The following SLC49A3 variants were observed in gnomAD, a reference collection of about 807,000 sequenced individuals.
The protein encoded by SLC49A3 is solute carrier family 49 member A3.
In SLC49A3, 50 loss-of-function variants were observed where a neutral mutation model predicts 43.8. The observed-to-expected ratio is 1.14, with a 90% CI of 0.91 to 1.45. The LOEUF (loss-of-function observed/expected upper bound fraction) is 1.45. Ranked by LOEUF, SLC49A3 falls within the 40% of genes most tolerant of loss-of-function variation. The pLI is 0.00. For missense variants in SLC49A3, 906 were observed against 774.1 expected, an observed-to-expected ratio of 1.17 and a Z score of -2.02; for synonymous variants, 413 against 352.0, an observed-to-expected ratio of 1.17 and a Z score of -1.94.
At chr4:683,435 G>C (rs1018843052) in intron 7 of SLC49A3, 68 bp from the exon 8 acceptor site, 1 of 1,550,154 alleles carries the variant, frequency 6.5e-7, no homozygotes, top group South Asian at 1.2e-5. Flanking sequence ...CTGGCTTCAC[G>C]GGACATGGGA....
At chr4:683,124 T>C in intron 8 of SLC49A3, 86 bp downstream of exon 8, 1 of 1,560,052 alleles carries the variant, frequency 6.4e-7, no homozygotes, top group Non-Finnish European at 8.8e-7. Context: ...AAAAGGGGCC[T>C]GGACCACATG....
Position 682,008 on chromosome 4 carries a change from C to A in SLC49A3, c.1630G>T (p.Asp544Tyr). The change falls in exon 10 of 10, where the codon GAC becomes TAC. Residue 544 changes from aspartate (D) to tyrosine (Y), a missense_variant. By Grantham distance (160) the Asp-to-Tyr change is radical. Coordinates refer to ENST00000322224, the MANE Select transcript of SLC49A3 (RefSeq NM_032219.4). Reference sequence around the variant, plus strand: ...AAGGAGGAGTGAGACCCAGCCGGGTCAATAAACCTGGACGCTTGGACCCTG... The same window carrying A: ...AAGGAGGAGTGAGACCCAGCCGGGTAAATAAACCTGGACGCTTGGACCCTG... ...AGRVQASRFI[D>Y]PAGSHSSFSS... The A allele has an allele frequency of 7.0e-7, 1 of 1,425,704 alleles. No homozygotes were observed. Among genetic ancestry groups the A allele is most frequent in the Admixed American group, 2.5e-5 (1 of 39,306 alleles). 88.3% of individuals were successfully genotyped at this position (1,425,704 alleles called of 1,614,324 possible).
At chr4:678,920 CG>C, downstream of SLC49A3, 1 of 1,611,742 alleles carries the variant, frequency 6.2e-7, no homozygotes, top group Non-Finnish European at 8.5e-7. Context: ...AGAGCCCAGC[CG>C]GGTTGGCAGC....
chr4:690,766 G>C (rs965002404), upstream of SLC49A3, among the ~76,000 whole-genome samples: 1 of 152,246 alleles, frequency 6.6e-6, no homozygotes, highest in South Asian at 2.1e-4. Flanking sequence ...TGTTGAGCGT[G>C]CATTGTTGAG....
rs773090635 is a variant in SLC49A3 at position 683,246 on chromosome 4, C to T, written c.1115G>A (p.Gly372Glu). ...GATCATGCCTGTGGCAGCCCCCTCC[C>T]CCACGGGGAAGGAACACTCGACCGC... ...ELAVECSFPVGEGAATGMIFV... is the reference protein window; with the variant it reads ...ELAVECSFPVEEGAATGMIFV... Residue 372 changes from glycine to glutamate, a missense_variant, in exon 8 of 10, where the codon GGG becomes GAG. Physicochemically the swap from Gly to Glu is moderately conservative, Grantham distance 98. Transcript: ENST00000322224. 2 of 1,612,820 alleles carry T rather than the reference C, an allele frequency of 1.2e-6. No individual in the cohort carries two copies. The highest frequency in any genetic ancestry group is 1.7e-6 in the Non-Finnish European group (2 of 1,179,920).
At chr4:678,941 C>T (rs1452332475), downstream of SLC49A3, 7 of 1,613,640 alleles carry the variant, frequency 4.3e-6, no homozygotes, top group Non-Finnish European at 5.9e-6. Context: ...CACAGCAGCC[C>T]TGACCTTGGT....
chr4:684,099 G>A (rs112783661), intron 6 of SLC49A3, among the ~76,000 whole-genome samples: 19 of 152,338 alleles, frequency 1.2e-4, no homozygotes, highest in African/African-American at 1.7e-4. Flanking sequence ...GGGCCAGCTC[G>A]GAGATATGCG....
Position 684,532 on chromosome 4 carries a change from C to G in SLC49A3, c.791G>C (p.Ser264Thr). 1 of 1,613,248 alleles carries G rather than the reference C, an allele frequency of 6.2e-7. No homozygotes were observed. Residue 264 changes from serine (S) to threonine (T), a missense_variant, in exon 6 of 10, where the codon AGC (serine) becomes ACC (threonine). Ser to Thr is a moderately conservative substitution (Grantham distance 58). Coordinates refer to ENST00000322224, the MANE Select transcript of SLC49A3 (RefSeq NM_032219.4). The part of the protein sequence containing the change: ...CLGGMIGISA[S>T]FSALLEQILC... ...GATCTGCTCCAGGAGGGCTGAGAAG[C>G]TGGCAGAGATCCCGATCATTCCCCC...
At chr4:681,668 C>T (rs1242773868), downstream of SLC49A3, among the ~76,000 whole-genome samples, 4 of 45,598 alleles carry the variant, frequency 8.8e-5, no homozygotes, top group African/African-American at 2.8e-4. Context: ...CCGCCCCGCC[C>T]CCTCCAGCGC....
At position 683,661 on chromosome 4, in the gene SLC49A3, G is replaced by T; in HGVS notation, c.941C>A (p.Ala314Asp). The change falls in exon 7 of 10, where the codon GCC becomes GAC. Residue 314 changes from alanine (A) to aspartate (D), a missense_variant. Physicochemically the swap from Ala to Asp is moderately radical, Grantham distance 126. Coordinates refer to ENST00000322224, the MANE Select transcript of SLC49A3 (RefSeq NM_032219.4). ...GAACAGGCACAGGCCAATCTTGGTG[G>T]CCTCAGTGAAGTGCTTGGTCCGGTC... ...YVDRTKHFTEATKIGLCLFSL... is the reference protein window; with the variant it reads ...YVDRTKHFTEDTKIGLCLFSL... The T allele has an allele frequency of 1.9e-6, 3 of 1,611,772 alleles. No individual in the cohort carries two copies. In the African/African-American group the frequency reaches 4.0e-5, roughly 21 times the overall value.
Position 684,740 on chromosome 4 carries a change from C to A in SLC49A3, c.702G>T (p.Lys234Asn), listed in dbSNP as rs779692926. ...TGACCAGCTTGAGCCCATCCAGGAA[C>A]TTCTCTGAGGTGGAGCTGGCAGCCC... Reference protein sequence around the residue: ...SAGAASSTSEKFLDGLKLLMW... With the variant: ...SAGAASSTSENFLDGLKLLMW... Residue 234 changes from lysine (K) to asparagine (N), a missense_variant, in exon 5 of 10, where the codon AAG becomes AAT. By Grantham distance (94) the Lys-to-Asn change is moderately conservative. Coordinates refer to ENST00000322224, the MANE Select transcript of SLC49A3 (RefSeq NM_032219.4). 3 of 1,611,538 alleles carry A rather than the reference C, an allele frequency of 1.9e-6. No homozygotes were observed. Among genetic ancestry groups the A allele is most frequent in the African/African-American group, 1.3e-5 (1 of 74,966 alleles).
chr4:689,182 A>C (rs1577377536), upstream of SLC49A3: 1 of 1,225,714 alleles, frequency 8.2e-7, no homozygotes, highest in Non-Finnish European at 1.0e-6. Context: ...GGGCTTAAGG[A>C]CCTTCCCGCG....
downstream of SLC49A3, chr4:680,584 A>T (rs75817957): frequency 1.1e-3 from 1,758 of 1,612,704 alleles, 23 homozygotes; most frequent in African/African-American, 0.021. Context: ...ATCAACAAGG[A>T]GTAGTGAGTG....
At chr4:682,956 G>A in intron 8 of SLC49A3, 66 bp from the exon 9 acceptor site, 1 of 1,387,074 alleles carries the variant, frequency 7.2e-7, no homozygotes, top group Non-Finnish European at 9.8e-7. Flanking sequence ...TGCCACCTTG[G>A]GAAATGTTGA....
Position 683,352 on chromosome 4 carries a change from C to T in SLC49A3, c.1009G>A (p.Gly337Arg). ...GTGGCAGCCAGGGCAAGGGTCTGTCCCTGCAGCTGGGACACCTGGGAGCAG... is the reference window on the plus strand; with the variant it reads ...GTGGCAGCCAGGGCAAGGGTCTGTCTCTGCAGCTGGGACACCTGGGAGCAG... The part of the protein sequence containing the change: ...VPFALVSQLQ[G>R]QTLALAATCS... The change falls in exon 8 of 10, where the codon GGA (glycine) becomes AGA (arginine). Residue 337 changes from glycine (G) to arginine (R), a missense_variant. Transcript: ENST00000322224. 3 of 1,610,724 alleles carry T rather than the reference C, an allele frequency of 1.9e-6. No individual in the cohort carries two copies. The highest frequency in any genetic ancestry group is 2.5e-6 in the Non-Finnish European group (3 of 1,178,766).
intron 6 of SLC49A3, 74 bp from the exon 7 acceptor site, chr4:683,835 G>A: frequency 6.7e-7 from 1 of 1,497,906 alleles, no homozygotes; most frequent in Non-Finnish European, 8.9e-7. Context: ...AGGGCAGGGG[G>A]CTCAGTGTAG....
upstream of SLC49A3, among the ~76,000 whole-genome samples, chr4:690,671 G>A (rs1013149527): frequency 6.6e-6 from 1 of 152,184 alleles, no homozygotes; most frequent in Admixed American, 6.5e-5. Flanking sequence ...TACCTCCATC[G>A]TTCAGTCTCT....
Position 682,843 on chromosome 4 carries a change from A to G in SLC49A3, c.1199T>C (p.Val400Ala), listed in dbSNP as rs369654414. Reference sequence around the variant, plus strand: ...GGACAAGGACGGCTCCGAGCGTCGCACAGTCAGTGCCGTCATTGCCAGCAT... The same window carrying G: ...GGACAAGGACGGCTCCGAGCGTCGCGCAGTCAGTGCCGTCATTGCCAGCAT... ...LIMLAMTALTVRRSEPSLSTC... is the reference protein window; with the variant it reads ...LIMLAMTALTARRSEPSLSTC... The change falls in exon 9 of 10, where the codon GTG becomes GCG. Residue 400 changes from valine to alanine, a missense_variant. By Grantham distance (64) the Val-to-Ala change is moderately conservative. Coordinates refer to ENST00000322224, the MANE Select transcript of SLC49A3 (RefSeq NM_032219.4). 1.9e-6 allele frequency: 3 copies of G among 1,605,436 alleles called. No individual in the cohort carries two copies. The African/African-American group carries it at 4.0e-5, about 21-fold the overall frequency.
At chr4:688,896 C>T in intron 1 of SLC49A3, 97 bp downstream of exon 1, 2 of 1,458,276 alleles carry the variant, frequency 1.4e-6, no homozygotes, top group East Asian at 5.8e-5. Context: ...CCCCAGCCAG[C>T]ACCTGGCACC....
Sources: allele counts gnomAD v4.1 joint callset (sites outside exome capture counted in the v4.1 genomes callset), GRCh38; gene constraint gnomAD v4.1.1; transcripts MANE v1.5; gene names NCBI Gene and HGNC (gene_info 2026-07-23, HGNC 2026-07-21).